The following HMGB1 variants were observed in gnomAD, a reference collection of about 807,000 sequenced individuals.
HMGB1 encodes the protein high mobility group box 1, also known as high mobility group protein B1.
For missense variants in HMGB1, 79 were observed against 253.5 expected, an observed-to-expected ratio of 0.31 and a Z score of 4.67; for synonymous variants, 81 against 84.0, an observed-to-expected ratio of 0.96 and a Z score of 0.19.
intron 1 of HMGB1, among the ~76,000 whole-genome samples, chr13:30,514,397 G>A (rs538191717): frequency 3.6e-5 from 5 of 140,762 alleles, no homozygotes; most frequent in Middle Eastern, 3.8e-3. Flanking sequence ...CTATGTTACC[G>A]AGTTTGGACT....
At chr13:30,609,168 C>T (rs1034401114) in intron 1 of HMGB1, among the ~76,000 whole-genome samples, 1 of 152,192 alleles carries the variant, frequency 6.6e-6, no homozygotes, top group African/African-American at 2.4e-5. Context: ...GACGCTGAGG[C>T]AGGAGAATGG....
At chr13:30,588,154 T>C (rs1229495742) in intron 1 of HMGB1, among the ~76,000 whole-genome samples, 1 of 152,192 alleles carries the variant, frequency 6.6e-6, no homozygotes, top group African/African-American at 2.4e-5. Flanking sequence ...ATAATATCTA[T>C]TCTTAGAAAA....
chr13:30,613,644 T>TA (rs913927394), intron 1 of HMGB1, among the ~76,000 whole-genome samples: 3 of 152,238 alleles, frequency 2.0e-5, no homozygotes, highest in Non-Finnish European at 4.4e-5. Flanking sequence ...ATGCATATTA[T>TA]GTATGTACAT....
At chr13:30,576,082 C>T (rs1280737750) in intron 1 of HMGB1, among the ~76,000 whole-genome samples, 2 of 152,164 alleles carry the variant, frequency 1.3e-5, no homozygotes, top group Non-Finnish European at 2.9e-5. Context: ...AAGTCTTTGA[C>T]ATTTTCTATA....
intron 1 of HMGB1, among the ~76,000 whole-genome samples, chr13:30,500,512 T>A (rs1189295961): frequency 2.7e-5 from 4 of 146,456 alleles, no homozygotes; most frequent in African/African-American, 1.0e-4. Context: ...TGGGACTACA[T>A]GTGTGTGCTC....
intron 1 of HMGB1, among the ~76,000 whole-genome samples, chr13:30,607,180 AATCAGT>A: frequency 6.6e-6 from 1 of 152,312 alleles, no homozygotes; most frequent in East Asian, 1.9e-4. Context: ...CACTTGAATA[AATCAGT>A]AGATGGGCAT....
chr13:30,574,506 A>G (rs73167354), intron 1 of HMGB1, among the ~76,000 whole-genome samples: 5,922 of 152,296 alleles, frequency 0.039, 181 homozygotes, highest in South Asian at 0.12. Flanking sequence ...TTTCTTCTCA[A>G]TGTTTACTTT....
At chr13:30,584,737 T>C (rs1871064944) in intron 1 of HMGB1, among the ~76,000 whole-genome samples, 1 of 152,232 alleles carries the variant, frequency 6.6e-6, no homozygotes, top group Non-Finnish European at 1.5e-5. Flanking sequence ...TCAACCAGAA[T>C]TCTTACATTG....
At position 30,458,581 on chromosome 13, in the gene HMGB1, G is replaced by A. The variant is rs1183668498; in HGVS notation, c.*2776C>T. ...CCTGACCTCGTGATCTGCCCGCCTT[G>A]GCCTCCCAAAGTGCTGGGATTACAG... On this transcript the variant is annotated 3_prime_UTR_variant, in exon 5 of 5. Coordinates refer to ENST00000341423, the MANE Select transcript of HMGB1 (RefSeq NM_002128.7). 3.3e-5 allele frequency: 5 copies of A among 152,220 alleles called. No individual in the cohort carries two copies. The highest frequency in any genetic ancestry group is 2.6e-4 in the Admixed American group (4 of 15,278). 9.4% of individuals were successfully genotyped at this position (152,220 alleles called of 1,614,324 possible).
intron 1 of HMGB1, among the ~76,000 whole-genome samples, chr13:30,475,044 TC>T (rs1159073394): frequency 3.2e-5 from 3 of 93,762 alleles, no homozygotes; most frequent in East Asian, 3.6e-4. Context: ...TCTCTCTCTC[TC>T]TTTTTTTTTT....
At chr13:30,598,002 TC>T (rs2137560364) in intron 1 of HMGB1, among the ~76,000 whole-genome samples, 1 of 152,350 alleles carries the variant, frequency 6.6e-6, no homozygotes, top group East Asian at 1.9e-4. Context: ...AGAGTAGCTG[TC>T]CCTTCCTCAG....
rs569768342 is a variant in HMGB1 at position 30,485,528 on chromosome 13, A to G, written c.-14-21834T>C. 6.3e-5 allele frequency among the ~76,000 whole-genome samples: 7 copies of G among 111,222 alleles called. No homozygotes were observed. The East Asian group carries it at 1.9e-3, about 30-fold the overall frequency. 73.0% of individuals were successfully genotyped at this position (111,222 alleles called of 152,430 possible). The stretch of plus-strand genomic sequence containing the variant: ...CAGTGTCCTGCCTTGAGTACCTATG[A>G]CTTTTTTTAGAGCGAGGGTCTCTCT... On this transcript the variant is annotated intron_variant, in intron 1 of 4. Coordinates refer to the HMGB1 transcript ENST00000405805.
chr13:30,539,523 C>T lies in HMGB1; in HGVS notation c.-14-75829G>A, dbSNP rs182153891. On this transcript the variant is annotated intron_variant, in intron 1 of 4. Coordinates refer to the HMGB1 transcript ENST00000405805. ...CGAAGGAAGGAAAAATATATTTACTCCAAAATTCATTTACTGGGAGTTTTA... is the reference window on the plus strand; with the variant it reads ...CGAAGGAAGGAAAAATATATTTACTTCAAAATTCATTTACTGGGAGTTTTA... 3.4e-5 allele frequency: 9 copies of T among 263,298 alleles called. No individual in the cohort carries two copies. The South Asian group carries it at 4.7e-4, about 14-fold the overall frequency. 16.3% of individuals were successfully genotyped at this position (263,298 alleles called of 1,614,324 possible).
At chr13:30,591,651 A>G (rs1871378362) in intron 1 of HMGB1, among the ~76,000 whole-genome samples, 1 of 151,960 alleles carries the variant, frequency 6.6e-6, no homozygotes, top group African/African-American at 2.4e-5. Flanking sequence ...TTGGGACCAC[A>G]GGCGCATGCC....
At chr13:30,461,613 G>A (rs1886340952) in intron 4 of HMGB1, 80 bp from the exon 5 acceptor site, 1 of 1,576,172 alleles carries the variant, frequency 6.3e-7, no homozygotes. Context: ...AGAACTTTAT[G>A]AAAGAAATCA....
At chr13:30,555,688 T>A (rs1869656864) in intron 1 of HMGB1, among the ~76,000 whole-genome samples, 1 of 152,230 alleles carries the variant, frequency 6.6e-6, no homozygotes, top group African/African-American at 2.4e-5. Context: ...TAATATATTG[T>A]CTAAATTTCA....
chr13:30,548,152 C>T (rs374099648), intron 1 of HMGB1, among the ~76,000 whole-genome samples: 15 of 152,196 alleles, frequency 9.9e-5, no homozygotes, highest in African/African-American at 3.4e-4. Flanking sequence ...ATAATCCCCA[C>T]GTGTTGTGGG....
At chr13:30,475,167 G>T (rs1887061669) in intron 1 of HMGB1, among the ~76,000 whole-genome samples, 1 of 111,454 alleles carries the variant, frequency 9.0e-6, no homozygotes, top group Admixed American at 1.0e-4. Context: ...TTTGAGACAG[G>T]GTCTCGCCTA....
chr13:30,611,096 A>G (rs1950508637), intron 1 of HMGB1, among the ~76,000 whole-genome samples: 1 of 152,262 alleles, frequency 6.6e-6, no homozygotes, highest in African/African-American at 2.4e-5. Flanking sequence ...CCTCAGTTGC[A>G]GAAGTATAAT....
Sources: gnomAD v4.1 joint callset for allele counts (sites outside exome capture counted in the v4.1 genomes callset) on GRCh38, gnomAD v4.1.1 for gene constraint, MANE v1.5 for transcripts, NCBI Gene and HGNC (gene_info 2026-07-23, HGNC 2026-07-21) for gene names.